Variants in SHANK2 observed in about 807,000 individuals in gnomAD.
The protein encoded by SHANK2 is SH3 and multiple ankyrin repeat domains protein 2.
A neutral mutation model predicts 133.7 loss-of-function variants in SHANK2; 43 were observed. That is an observed-to-expected ratio of 0.32 (90% confidence interval 0.25 to 0.41). The LOEUF (loss-of-function observed/expected upper bound fraction) is 0.41. SHANK2 is among the 10% of genes least tolerant of loss of function. The probability of loss-of-function intolerance (pLI) is 1.00; values close to 1 mark genes in which losing one functional copy is unlikely to be tolerated. For missense variants in SHANK2, 1,994 were observed against 2,235.8 expected (o/e 0.89, Z 2.18); for synonymous variants, 1,017 against 952.8 (o/e 1.07, Z -1.24).
intron 15 of SHANK2, among the ~76,000 whole-genome samples, chr11:70,693,493 C>T (rs868929288): frequency 6.6e-6 from 1 of 152,294 alleles, no homozygotes; most frequent in Middle Eastern, 3.4e-3. Context: ...CACTCCCTCC[C>T]TGGCATCCCT....
At chr11:70,863,667 G>T in intron 11 of SHANK2, 1 of 423,798 alleles carries the variant, frequency 2.4e-6, no homozygotes, top group South Asian at 1.7e-5. Context: ...GGCATCCTGG[G>T]CTGGGGGTAT....
At chr11:71,061,105 G>T (rs1403602802) in intron 9 of SHANK2, among the ~76,000 whole-genome samples, 1 of 152,272 alleles carries the variant, frequency 6.6e-6, no homozygotes, top group Non-Finnish European at 1.5e-5. Context: ...GGTCCACACT[G>T]TGGGAGGTGC....
At chr11:71,176,698 T>C (rs1027137500) in intron 2 of SHANK2, among the ~76,000 whole-genome samples, 1 of 151,430 alleles carries the variant, frequency 6.6e-6, no homozygotes. Context: ...CAAATGATAA[T>C]AAAAGAAGAG....
Position 71,094,618 on chromosome 11 carries a change from T to G in SHANK2, c.663A>C (p.Gly221=), listed in dbSNP as rs552071363. ...CTTTGGCACGGAAGTCCAGGTGAGC[T>G]CCACCATTTTTGAGAGCTTTGATGA... is the stretch of plus-strand genomic sequence containing the variant. The part of the protein sequence containing the change: ...VEVIKALKNG[G]AHLDFRAKDG... The change falls in exon 7 of 26, where the codon GGA becomes GGC. Residue 221 remains glycine (G), a synonymous_variant. Coordinates refer to ENST00000601538, the MANE Select transcript of SHANK2 (RefSeq NM_012309.5). 1.3e-6 allele frequency: 2 copies of G among 1,551,688 alleles called. No individual in the cohort carries two copies. Among genetic ancestry groups the G allele is most frequent in the South Asian group, 1.2e-5 (1 of 84,052 alleles).
chr11:70,576,498 G>A (rs559807474), intron 17 of SHANK2, among the ~76,000 whole-genome samples: 4 of 152,142 alleles, frequency 2.6e-5, no homozygotes, highest in East Asian at 3.9e-4. Context: ...TTAGCCAGGC[G>A]TGGTGGTGGG....
chr11:70,730,949 GT>G (rs1649728788), intron 14 of SHANK2, among the ~76,000 whole-genome samples: 1 of 148,984 alleles, frequency 6.7e-6, no homozygotes, highest in African/African-American at 2.5e-5. Flanking sequence ...CTTTTATCTA[GT>G]TCCAGAACAT....
At chr11:70,621,058 C>G (rs769139048) in intron 17 of SHANK2, among the ~76,000 whole-genome samples, 7 of 152,222 alleles carry the variant, frequency 4.6e-5, no homozygotes, top group Non-Finnish European at 1.0e-4. Context: ...GTAACAGCAC[C>G]TGCCTCAAAG....
In SHANK2 at chr11:71,234,183, T is replaced by TAAAA. The variant is rs71049965; in HGVS notation, c.-112-9391_-112-9388dup. Among the ~76,000 whole-genome samples, 86 of 35,476 alleles carry TAAAA rather than the reference T, an allele frequency of 2.4e-3. 10 individuals carry two copies. The highest frequency in any genetic ancestry group is 9.0e-3 in the African/African-American group (67 of 7,454). The allele number at this position is 35,476 out of a possible 152,430, so 23.3% of individuals were successfully genotyped here. A position where few individuals can be genotyped will look rare whatever the true frequency, so the allele number is the denominator to read the frequency against. On this transcript the variant is annotated intron_variant, in intron 1 of 25. Transcript: ENST00000601538. Reference sequence around the variant, plus strand: ...CAACATAGTGAAACTCCCTCTCTACTAAAAAAAAAAAAAAAAAAAAAAAAA... The same window carrying TAAAA: ...CAACATAGTGAAACTCCCTCTCTACTAAAAAAAAAAAAAAAAAAAAAAAAAAAAA...
chr11:70,486,228 G>A lies in SHANK2; in HGVS notation c.4065C>T (p.Thr1355=), dbSNP rs782683672. The part of the protein sequence containing the change: ...PSEVPEGVSE[T]EGALQISAAP... ...CAGCGGAGATCTGTAAAGCACCTTC[G>A]GTTTCGGAAACACCTTCTGGCACCT... Residue 1355 remains threonine (T), a synonymous_variant, in exon 25 of 26, where the codon ACC becomes ACT. Coordinates refer to ENST00000601538, the MANE Select transcript of SHANK2 (RefSeq NM_012309.5). This position sits in a 1 kb window ranked among gnomAD's most constrained non-coding sequence, Gnocchi z 8.0. 6 of 1,613,958 alleles carry A rather than the reference G, an allele frequency of 3.7e-6. No homozygotes were observed. Among genetic ancestry groups the A allele is most frequent in the South Asian group, 2.2e-5 (2 of 91,060 alleles).
chr11:70,629,734 G>C (rs2060957061), intron 17 of SHANK2, among the ~76,000 whole-genome samples: 1 of 152,184 alleles, frequency 6.6e-6, no homozygotes, highest in Admixed American at 6.5e-5. Context: ...ACCTGCTGCA[G>C]AGCTGGATGA....
chr11:70,883,294 G>A (rs1442960914), intron 11 of SHANK2, among the ~76,000 whole-genome samples: 1 of 152,154 alleles, frequency 6.6e-6, no homozygotes, highest in East Asian at 1.9e-4. Context: ...CTCCTCCTCT[G>A]GGAAGCCATC....
chr11:71,055,787 G>C (rs1391016732), intron 10 of SHANK2, among the ~76,000 whole-genome samples: 1 of 142,132 alleles, frequency 7.0e-6, no homozygotes, highest in Non-Finnish European at 1.5e-5. Flanking sequence ...GGGGGAGGGG[G>C]AGGGGGAGTG....
At chr11:70,636,594 AGT>A (rs1203276903) in intron 17 of SHANK2, among the ~76,000 whole-genome samples, 3 of 105,330 alleles carry the variant, frequency 2.8e-5, no homozygotes, top group African/African-American at 1.2e-4. Context: ...AGTCTGTGTG[AGT>A]GTATGAGTGT....
intron 17 of SHANK2, among the ~76,000 whole-genome samples, chr11:70,553,062 C>G (rs1381053635): frequency 2.0e-5 from 3 of 152,044 alleles, no homozygotes; most frequent in Admixed American, 1.3e-4. Context: ...CGGATTAAGG[C>G]CCCCTCTAAT....
intron 12 of SHANK2, among the ~76,000 whole-genome samples, chr11:70,808,561 C>CAAAAA (rs57089863): frequency 7.5e-5 from 7 of 93,062 alleles, no homozygotes; most frequent in East Asian, 3.3e-4. Context: ...CCTATTTCTA[C>CAAAAA]AAAAAAAAAA....
chr11:70,653,655 T>C (rs2134226561), intron 17 of SHANK2, among the ~76,000 whole-genome samples: 2 of 152,046 alleles, frequency 1.3e-5, no homozygotes, highest in South Asian at 4.2e-4. Flanking sequence ...AGTATTCCTG[T>C]TGATAAATTG....
At chr11:71,202,904 C>T (rs1192273730) in intron 2 of SHANK2, among the ~76,000 whole-genome samples, 6 of 152,234 alleles carry the variant, frequency 3.9e-5, no homozygotes, top group East Asian at 3.8e-4. Context: ...TTGGAAAAAA[C>T]GGAGCCAGAT....
chr11:71,116,832 A>G (rs1951989065), intron 4 of SHANK2, among the ~76,000 whole-genome samples: 1 of 151,990 alleles, frequency 6.6e-6, no homozygotes, highest in Non-Finnish European at 1.5e-5. Flanking sequence ...GGAGCCAGGA[A>G]CTACTCCTCC....
intron 11 of SHANK2, among the ~76,000 whole-genome samples, chr11:70,824,134 A>G (rs1194739042): frequency 6.6e-6 from 1 of 150,410 alleles, no homozygotes; most frequent in African/African-American, 2.4e-5. Context: ...TGGGGGATGG[A>G]GGGTGCTGGC....
Sources: allele counts gnomAD v4.1 joint callset (sites outside exome capture counted in the v4.1 genomes callset), GRCh38; gene constraint gnomAD v4.1.1; non-coding constraint Gnocchi (gnomAD v3.1); transcripts MANE v1.5; gene names NCBI Gene and HGNC (gene_info 2026-07-23, HGNC 2026-07-21).